The following MAF variants were observed in gnomAD, a reference collection of about 807,000 sequenced individuals.
MAF encodes the protein transcription factor Maf.
In MAF, 10 loss-of-function variants were observed where a neutral mutation model predicts 22.0. That is an observed-to-expected ratio of 0.45 (90% CI 0.28 to 0.77). MAF has a LOEUF of 0.77. Ranked by LOEUF, MAF falls within the 30% of genes least tolerant of loss-of-function variation. MAF has a pLI of 0.12. For missense variants in MAF, 544 were observed against 548.4 expected (o/e 0.99, Z 0.08); for synonymous variants, 337 against 255.8 (o/e 1.32, Z -3.03).
the MAF span, among the ~76,000 whole-genome samples, chr16:79,560,604 C>T: frequency 3.3e-5 from 5 of 151,838 alleles, no homozygotes; most frequent in East Asian, 9.7e-4. Flanking sequence ...TCTGAATCTC[C>T]CTTACCTAAC....
At chr16:79,357,205 G>C in the MAF span, among the ~76,000 whole-genome samples, 5 of 149,962 alleles carry the variant, frequency 3.3e-5, no homozygotes, top group African/African-American at 9.9e-5. Context: ...GCAACGAGCT[G>C]AGATTGTGCC....
At chr16:79,282,431 T>A in the MAF span, among the ~76,000 whole-genome samples, 1 of 152,126 alleles carries the variant, frequency 6.6e-6, no homozygotes, top group Non-Finnish European at 1.5e-5. Context: ...GGCACTAGGG[T>A]ATCCCTCCTC....
chr16:79,427,622 G>C, the MAF span, among the ~76,000 whole-genome samples: 4 of 151,950 alleles, frequency 2.6e-5, no homozygotes, highest in African/African-American at 9.7e-5. Flanking sequence ...TACCCCGAAG[G>C]CCCTCTCAAA....
the MAF span, among the ~76,000 whole-genome samples, chr16:79,444,272 C>G: frequency 6.6e-6 from 1 of 152,018 alleles, no homozygotes; most frequent in Non-Finnish European, 1.5e-5. Flanking sequence ...TTGATTTTGC[C>G]TAGGAGTATG....
chr16:79,525,730 T>G, the MAF span, among the ~76,000 whole-genome samples: 1 of 152,236 alleles, frequency 6.6e-6, no homozygotes, highest in Admixed American at 6.5e-5. Context: ...TTTCATGTAA[T>G]GATTATATCT....
chr16:79,366,139 G>T, the MAF span, among the ~76,000 whole-genome samples: 1 of 152,190 alleles, frequency 6.6e-6, no homozygotes, highest in African/African-American at 2.4e-5. Context: ...TTAACCAGCT[G>T]TCATTCTCAT....
chr16:79,566,913 CT>C, the MAF span, among the ~76,000 whole-genome samples: 1 of 152,272 alleles, frequency 6.6e-6, no homozygotes, highest in South Asian at 2.1e-4. Context: ...GAAAAATGGA[CT>C]TGGATAGAAT....
chr16:79,236,730 C>A, the MAF span, among the ~76,000 whole-genome samples: 2 of 151,872 alleles, frequency 1.3e-5, no homozygotes. Flanking sequence ...TCCAAATTTC[C>A]AGGTCCTCAG....
chr16:79,311,061 C>G, the MAF span, among the ~76,000 whole-genome samples: 6 of 151,700 alleles, frequency 4.0e-5, no homozygotes, highest in South Asian at 1.3e-3. Context: ...TTCAAACACC[C>G]ACTCCCTCAG....
At chr16:79,387,717 T>C in the MAF span, among the ~76,000 whole-genome samples, 6 of 152,254 alleles carry the variant, frequency 3.9e-5, no homozygotes, top group Non-Finnish European at 8.8e-5. Flanking sequence ...CTAATGTTTA[T>C]ATTGAGAATA....
chr16:79,517,485 A>G, the MAF span, among the ~76,000 whole-genome samples: 1 of 151,932 alleles, frequency 6.6e-6, no homozygotes, highest in Non-Finnish European at 1.5e-5. Flanking sequence ...CAAATAAGTG[A>G]TCATTCCAGT....
chr16:79,416,095 G>C, the MAF span, among the ~76,000 whole-genome samples: 2 of 152,226 alleles, frequency 1.3e-5, no homozygotes, highest in African/African-American at 4.8e-5. Flanking sequence ...GCCCAGCTTT[G>C]GGTGGGCTGC....
the MAF span, among the ~76,000 whole-genome samples, chr16:79,253,543 C>T: frequency 1.3e-5 from 2 of 152,276 alleles, no homozygotes; most frequent in African/African-American, 4.8e-5. Context: ...CACGTGGCCT[C>T]TCTTTTCTAA....
At chr16:79,582,111 C>T (rs1218295564), downstream of MAF, among the ~76,000 whole-genome samples, 3 of 152,196 alleles carry the variant, frequency 2.0e-5, no homozygotes, top group Non-Finnish European at 4.4e-5. Flanking sequence ...CCACAAAACT[C>T]AACCCTGCTG....
the MAF span, among the ~76,000 whole-genome samples, chr16:79,351,091 C>A: frequency 1.3e-5 from 2 of 152,160 alleles, no homozygotes; most frequent in African/African-American, 4.8e-5. Context: ...ATACAAGTGG[C>A]ATGCTCACTT....
chr16:79,297,815 C>A, the MAF span, among the ~76,000 whole-genome samples: 1,253 of 152,284 alleles, frequency 8.2e-3, 7 homozygotes, highest in Middle Eastern at 0.024. Flanking sequence ...ATGGGTTCCC[C>A]AACCTCCAAT....
chr16:79,495,043 C>T, the MAF span, among the ~76,000 whole-genome samples: 1 of 152,066 alleles, frequency 6.6e-6, no homozygotes, highest in East Asian at 1.9e-4. Flanking sequence ...AGGCGTGTCA[C>T]CCCCCCAGAC....
the MAF span, among the ~76,000 whole-genome samples, chr16:79,253,764 C>T: frequency 2.0e-5 from 3 of 152,138 alleles, no homozygotes; most frequent in Admixed American, 6.5e-5. Context: ...AGCTCCTTCC[C>T]GTCTGCGAGG....
chr16:79,423,806 C>T, the MAF span, among the ~76,000 whole-genome samples: 5 of 152,102 alleles, frequency 3.3e-5, no homozygotes, highest in Admixed American at 6.5e-5. Context: ...TACTTTTTAC[C>T]CACCTAACCT....
Sources: allele counts gnomAD v4.1 joint callset (sites outside exome capture counted in the v4.1 genomes callset), GRCh38; gene constraint gnomAD v4.1.1; transcripts MANE v1.5; gene names NCBI Gene and HGNC (gene_info 2026-07-23, HGNC 2026-07-21).